Variants in GPC5 observed in about 807,000 individuals in gnomAD.
The protein encoded by GPC5 is glypican-5.
A neutral mutation model predicts 53.9 loss-of-function variants in GPC5; 47 were observed. The ratio of observed to expected loss-of-function variants is 0.87; its 90% CI spans 0.69 to 1.11. The LOEUF (loss-of-function observed/expected upper bound fraction) is 1.11. Ranked by LOEUF, GPC5 falls within the 50% of genes most tolerant of loss-of-function variation. The probability of loss-of-function intolerance (pLI) is 0.00; values close to 1 mark genes in which losing one functional copy is unlikely to be tolerated. For synonymous variants in GPC5, 286 were observed against 263.3 expected (o/e 1.09, Z -0.84); for missense variants, 748 against 713.1 (o/e 1.05, Z -0.56).
intron 5 of GPC5, among the ~76,000 whole-genome samples, chr13:91,838,358 A>T (rs1263387720): frequency 1.3e-5 from 2 of 152,098 alleles, no homozygotes; most frequent in African/African-American, 4.8e-5. Context: ...TCTTGTACCC[A>T]TGGTGCCATA....
intron 2 of GPC5, among the ~76,000 whole-genome samples, chr13:91,588,767 A>G (rs1397999151): frequency 6.6e-6 from 1 of 151,610 alleles, no homozygotes; most frequent in African/African-American, 2.4e-5. Context: ...CCCTTGTGTC[A>G]TTGCATTTTC....
intron 7 of GPC5, among the ~76,000 whole-genome samples, chr13:92,473,359 T>C (rs1878982576): frequency 6.6e-6 from 1 of 152,102 alleles, no homozygotes; most frequent in African/African-American, 2.4e-5. Flanking sequence ...AGCTCCAGTG[T>C]AGTGATTGAA....
intron 7 of GPC5, among the ~76,000 whole-genome samples, chr13:92,478,976 C>T (rs1432815538): frequency 6.6e-6 from 1 of 152,106 alleles, no homozygotes; most frequent in Non-Finnish European, 1.5e-5. Flanking sequence ...AGTTATTCAG[C>T]CTCTCTACAT....
chr13:91,762,290 C>T (rs908520257), intron 5 of GPC5, among the ~76,000 whole-genome samples: 2 of 149,530 alleles, frequency 1.3e-5, no homozygotes, highest in Non-Finnish European at 3.0e-5. Context: ...GTTTTCCTGA[C>T]CATAATTTTG....
intron 1 of GPC5, among the ~76,000 whole-genome samples, chr13:91,403,315 G>A (rs974281573): frequency 6.6e-6 from 1 of 152,182 alleles, no homozygotes; most frequent in African/African-American, 2.4e-5. Flanking sequence ...CACACCAAAG[G>A]GACTCTGGAG....
At chr13:92,794,554 A>G (rs1407140440) in intron 7 of GPC5, among the ~76,000 whole-genome samples, 1 of 152,152 alleles carries the variant, frequency 6.6e-6, no homozygotes, top group Non-Finnish European at 1.5e-5. Context: ...CAAGAGAAAG[A>G]AATAAAGTGT....
chr13:91,668,394 C>A (rs2035167385), intron 2 of GPC5, among the ~76,000 whole-genome samples: 1 of 152,212 alleles, frequency 6.6e-6, no homozygotes, highest in Non-Finnish European at 1.5e-5. Context: ...GCCCTTTTAT[C>A]TCTCTTAGCC....
intron 7 of GPC5, among the ~76,000 whole-genome samples, chr13:92,248,403 A>T (rs1018639704): frequency 1.3e-5 from 2 of 152,226 alleles, no homozygotes; most frequent in Non-Finnish European, 1.5e-5. Flanking sequence ...GTTAAAACTT[A>T]TGGTTCTGGG....
chr13:92,537,542 C>A (rs1198762650), intron 7 of GPC5, among the ~76,000 whole-genome samples: 2 of 152,088 alleles, frequency 1.3e-5, no homozygotes, highest in Non-Finnish European at 2.9e-5. Flanking sequence ...ATGTTCATGT[C>A]ACTAGCTTCT....
At chr13:91,670,170 A>C (rs1359891458) in intron 2 of GPC5, among the ~76,000 whole-genome samples, 1 of 152,180 alleles carries the variant, frequency 6.6e-6, no homozygotes, top group African/African-American at 2.4e-5. Flanking sequence ...AGGGGACCCT[A>C]GATACAGAGC....
At position 91,726,028 on chromosome 13, in the gene GPC5, C is replaced by T. The variant is rs921902711; in HGVS notation, c.1021-2504C>T. Among the ~76,000 whole-genome samples, 18 of 152,266 alleles carry T rather than the reference C, an allele frequency of 1.2e-4. No individual in the cohort carries two copies. In the South Asian group the frequency reaches 1.2e-3, roughly 11 times the overall value. On this transcript the variant is annotated intron_variant, in intron 3 of 7. Coordinates refer to ENST00000377067, the MANE Select transcript of GPC5 (RefSeq NM_004466.6). The stretch of plus-strand genomic sequence containing the variant: ...ACCACTGTCAACTTAGATCGTCTTC[C>T]TTGGGTTCTTGTTACTAGGAGTTGT...
At chr13:92,285,244 C>T (rs1403534391) in intron 7 of GPC5, among the ~76,000 whole-genome samples, 4 of 152,056 alleles carry the variant, frequency 2.6e-5, no homozygotes, top group South Asian at 4.1e-4. Flanking sequence ...TAAAAGAAGA[C>T]ACAAAGAAAT....
intron 6 of GPC5, among the ~76,000 whole-genome samples, chr13:92,037,987 T>C (rs2040907353): frequency 6.6e-6 from 1 of 152,032 alleles, no homozygotes; most frequent in Non-Finnish European, 1.5e-5. Flanking sequence ...ATGGTGACCG[T>C]GATAAGGGTA....
At chr13:92,071,759 G>GT (rs2138866301) in intron 6 of GPC5, among the ~76,000 whole-genome samples, 1 of 150,348 alleles carries the variant, frequency 6.7e-6, no homozygotes, top group South Asian at 2.1e-4. Flanking sequence ...AAATTTATAT[G>GT]TTTTTTCAAG....
chr13:91,570,391 T>G (rs1426724474), intron 2 of GPC5, among the ~76,000 whole-genome samples: 1 of 152,168 alleles, frequency 6.6e-6, no homozygotes, highest in Non-Finnish European at 1.5e-5. Flanking sequence ...ATTTTGAAGT[T>G]TTGGATTTGA....
rs141537158 is a variant in GPC5 at position 91,406,582 on chromosome 13, G to A, written c.163+7373G>A. Among the ~76,000 whole-genome samples the A allele has an allele frequency of 5.9e-3, 904 of 152,292 alleles. 6 individuals carry two copies. The highest frequency in any genetic ancestry group is 0.024 in the Middle Eastern group (7 of 294). Reference sequence around the variant, plus strand: ...TGAACATCTGCTAACCATAGATAAAGTAAACTCTGGGACACTAAAAGACCC... The same window carrying A: ...TGAACATCTGCTAACCATAGATAAAATAAACTCTGGGACACTAAAAGACCC... On this transcript the variant is annotated intron_variant, in intron 1 of 7. Transcript: ENST00000377067.
chr13:91,459,347 T>C (rs753764767), intron 2 of GPC5, among the ~76,000 whole-genome samples: 14 of 152,106 alleles, frequency 9.2e-5, no homozygotes, highest in Non-Finnish European at 1.9e-4. Context: ...TCTAGTTGTC[T>C]AATCTATCAT....
At chr13:92,798,161 G>A (rs1379649378) in intron 7 of GPC5, among the ~76,000 whole-genome samples, 1 of 151,808 alleles carries the variant, frequency 6.6e-6, no homozygotes, top group Non-Finnish European at 1.5e-5. Context: ...TCTACCCCTT[G>A]GGAAACTGAG....
chr13:92,030,089 G>C (rs1291127261), intron 6 of GPC5, among the ~76,000 whole-genome samples: 1 of 152,178 alleles, frequency 6.6e-6, no homozygotes, highest in Non-Finnish European at 1.5e-5. Context: ...AAAGTATCCA[G>C]TATAATTTTG....
Sources: allele counts gnomAD v4.1 joint callset (sites outside exome capture counted in the v4.1 genomes callset), GRCh38; gene constraint gnomAD v4.1.1; transcripts MANE v1.5; gene names NCBI Gene and HGNC (gene_info 2026-07-23, HGNC 2026-07-21).